The following CDH18 variants were observed in gnomAD, a reference collection of about 807,000 sequenced individuals.
The protein encoded by CDH18 is cadherin-18.
In CDH18, 31 loss-of-function variants were observed where a neutral mutation model predicts 67.9. That is an observed-to-expected ratio of 0.46 (90% CI 0.34 to 0.62). The LOEUF (loss-of-function observed/expected upper bound fraction) is 0.62, where lower values mean the gene tolerates loss of function less well. Among genes scored for constraint, CDH18 ranks in the 20% least tolerant of loss-of-function variants. The pLI is 0.01. For missense variants in CDH18, 890 were observed against 975.5 expected (o/e 0.91, Z 1.17); for synonymous variants, 362 against 347.2 (o/e 1.04, Z -0.48).
intron 2 of CDH18, among the ~76,000 whole-genome samples, chr5:20,213,809 T>C (rs1482540616): frequency 6.6e-6 from 1 of 152,086 alleles, no homozygotes; most frequent in African/African-American, 2.4e-5. Context: ...TAGTCTATTT[T>C]ACTAATTTTT....
At chr5:19,598,362 T>G (rs1033274887) in intron 6 of CDH18, among the ~76,000 whole-genome samples, 6 of 152,152 alleles carry the variant, frequency 3.9e-5, no homozygotes, top group African/African-American at 1.2e-4. Flanking sequence ...GTTAAAATAT[T>G]CAAAGGATGG....
intron 1 of CDH18, among the ~76,000 whole-genome samples, chr5:20,255,659 C>A (rs930427362): frequency 6.6e-6 from 1 of 151,514 alleles, no homozygotes; most frequent in Non-Finnish European, 1.5e-5. Flanking sequence ...GTTTGAACTG[C>A]GAGTTTTTTT....
intron 1 of CDH18, among the ~76,000 whole-genome samples, chr5:20,458,760 A>G (rs1255103220): frequency 2.0e-5 from 3 of 152,208 alleles, no homozygotes; most frequent in African/African-American, 4.8e-5. Context: ...AATTTAAATA[A>G]CTATTAGCTT....
chr5:20,196,772 T>A (rs1025503906), intron 2 of CDH18, among the ~76,000 whole-genome samples: 21 of 152,314 alleles, frequency 1.4e-4, no homozygotes, highest in Middle Eastern at 6.8e-3. Context: ...CTTCCATGAT[T>A]TGAAGCATGA....
intron 1 of CDH18, among the ~76,000 whole-genome samples, chr5:20,490,236 G>A (rs1171554993): frequency 6.6e-6 from 1 of 151,992 alleles, no homozygotes; most frequent in Non-Finnish European, 1.5e-5. Flanking sequence ...ACAGATTTAT[G>A]GCAAACATTA....
chr5:20,133,454 G>A (rs891477111), intron 2 of CDH18, among the ~76,000 whole-genome samples: 1 of 152,096 alleles, frequency 6.6e-6, no homozygotes, highest in Non-Finnish European at 1.5e-5. Context: ...CCTCCCACTG[G>A]ATCCCTCCCA....
chr5:19,927,664 T>C (rs1793240396), intron 2 of CDH18, among the ~76,000 whole-genome samples: 1 of 152,184 alleles, frequency 6.6e-6, no homozygotes, highest in Admixed American at 6.6e-5. Flanking sequence ...AGCTATTTTC[T>C]AATGCAGACA....
chr5:19,995,235 C>T (rs1200761497), intron 2 of CDH18, among the ~76,000 whole-genome samples: 1 of 152,022 alleles, frequency 6.6e-6, no homozygotes, highest in African/African-American at 2.4e-5. Context: ...AGCCCAGTCA[C>T]ATTGAAACAT....
At chr5:20,387,956 G>C (rs1244622803) in intron 1 of CDH18, among the ~76,000 whole-genome samples, 1 of 152,082 alleles carries the variant, frequency 6.6e-6, no homozygotes, top group Non-Finnish European at 1.5e-5. Flanking sequence ...ATGTGCTGCT[G>C]GATTCGGTTT....
At chr5:20,134,872 G>C (rs546064684) in intron 2 of CDH18, among the ~76,000 whole-genome samples, 1 of 152,182 alleles carries the variant, frequency 6.6e-6, no homozygotes, top group Admixed American at 6.5e-5. Flanking sequence ...CAGAGAGAGG[G>C]ACTGTTCTAT....
intron 1 of CDH18, among the ~76,000 whole-genome samples, chr5:20,400,965 T>C (rs1745719129): frequency 1.3e-5 from 2 of 152,206 alleles, no homozygotes; most frequent in Admixed American, 1.3e-4. Flanking sequence ...ACCTTACTTA[T>C]TCTTTACTCA....
chr5:19,560,860 T>G (rs1739330264), intron 8 of CDH18, among the ~76,000 whole-genome samples: 1 of 151,854 alleles, frequency 6.6e-6, no homozygotes, highest in South Asian at 2.1e-4. Context: ...CAGTAATAGA[T>G]AATTCTCAAA....
At chr5:19,816,925 AAAGTT>A (rs1779349130) in intron 3 of CDH18, among the ~76,000 whole-genome samples, 1 of 151,858 alleles carries the variant, frequency 6.6e-6, no homozygotes, top group African/African-American at 2.4e-5. Context: ...CATCATGAAC[AAAGTT>A]AAAAGACAAA....
At chr5:20,517,118 T>C (rs565825543) in intron 1 of CDH18, among the ~76,000 whole-genome samples, 84 of 152,066 alleles carry the variant, frequency 5.5e-4, no homozygotes, top group African/African-American at 1.9e-3. Flanking sequence ...AGTCTGATGA[T>C]TGCTTCATGC....
At chr5:19,505,676 T>A (rs1744017153) in intron 10 of CDH18, among the ~76,000 whole-genome samples, 1 of 152,140 alleles carries the variant, frequency 6.6e-6, no homozygotes, top group Non-Finnish European at 1.5e-5. Flanking sequence ...GCTCACTTGA[T>A]CATGGTGGAT....
chr5:20,011,929 G>A (rs1737475748), intron 2 of CDH18, among the ~76,000 whole-genome samples: 1 of 152,052 alleles, frequency 6.6e-6, no homozygotes, highest in Admixed American at 6.6e-5. Flanking sequence ...CCAGGTTTTG[G>A]TATCAGAATA....
intron 5 of CDH18, among the ~76,000 whole-genome samples, chr5:19,640,675 T>C (rs1753869852): frequency 6.6e-6 from 1 of 152,074 alleles, no homozygotes; most frequent in Non-Finnish European, 1.5e-5. Context: ...ATCGAAACTT[T>C]TGGGATACAG....
intron 1 of CDH18, among the ~76,000 whole-genome samples, chr5:20,483,665 A>C (rs560981401): frequency 1.3e-5 from 2 of 151,408 alleles, no homozygotes; most frequent in African/African-American, 4.8e-5. Flanking sequence ...AAAAAAAAAA[A>C]CATACATTGG....
chr5:19,679,237 T>C (rs1413715986), intron 5 of CDH18, among the ~76,000 whole-genome samples: 1 of 152,050 alleles, frequency 6.6e-6, no homozygotes, highest in African/African-American at 2.4e-5. Context: ...GAAAAGTCTT[T>C]TGATACACTT....
Sources: gnomAD v4.1 joint callset for allele counts (sites outside exome capture counted in the v4.1 genomes callset) on GRCh38, gnomAD v4.1.1 for gene constraint, MANE v1.5 for transcripts, NCBI Gene and HGNC (gene_info 2026-07-23, HGNC 2026-07-21) for gene names.